Variants in ZFHX4 observed in about 807,000 individuals in gnomAD.
ZFHX4 encodes the protein zinc finger homeobox protein 4.
Under a neutral mutation model 267.6 loss-of-function variants are expected in ZFHX4, and 56 were observed. That is an observed-to-expected ratio of 0.21 (90% CI 0.17 to 0.26). The LOEUF is 0.26. Among genes scored for constraint, ZFHX4 ranks in the 10% least tolerant of loss-of-function variants. ZFHX4 has a pLI of 1.00. For synonymous variants in ZFHX4, 1,778 were observed against 1,665.6 expected (o/e 1.07, Z -1.64); for missense variants, 4,332 against 4,420.0 (o/e 0.98, Z 0.56).
intron 10 of ZFHX4, among the ~76,000 whole-genome samples, chr8:76,861,247 C>T (rs1016682177): frequency 5.9e-5 from 9 of 151,984 alleles, no homozygotes; most frequent in African/African-American, 2.2e-4. Flanking sequence ...TTTCTTTTTG[C>T]ATCTTAAATA....
At chr8:76,809,087 C>A (rs936185367) in intron 4 of ZFHX4, among the ~76,000 whole-genome samples, 2 of 152,174 alleles carry the variant, frequency 1.3e-5, no homozygotes, top group South Asian at 2.1e-4. Flanking sequence ...GGATATCATA[C>A]CCGTATCACT....
intron 3 of ZFHX4, among the ~76,000 whole-genome samples, chr8:76,754,562 C>T (rs1377112178): frequency 6.6e-6 from 1 of 151,776 alleles, no homozygotes; most frequent in Non-Finnish European, 1.5e-5. Flanking sequence ...TTTCCTTTTA[C>T]TTTAGTTTAT....
intron 1 of ZFHX4, among the ~76,000 whole-genome samples, chr8:76,690,804 T>C (rs996950616): frequency 1.3e-5 from 2 of 151,956 alleles, no homozygotes; most frequent in East Asian, 3.9e-4. Context: ...GCATTCCTAG[T>C]GGTAGCTTGT....
chr8:76,833,538 A>T (rs1811993767), intron 5 of ZFHX4, 132 bp downstream of exon 5: 2 of 633,750 alleles, frequency 3.2e-6, no homozygotes, highest in African/African-American at 3.8e-5. Flanking sequence ...TTATTCAAAT[A>T]AGTAAAAAGC....
intron 6 of ZFHX4, among the ~76,000 whole-genome samples, chr8:76,846,317 A>G (rs1403300632): frequency 7.2e-5 from 11 of 152,062 alleles, no homozygotes; most frequent in Non-Finnish European, 1.5e-4. Flanking sequence ...TATCAGTGCC[A>G]TGCATTTTTG....
intron 3 of ZFHX4, among the ~76,000 whole-genome samples, chr8:76,746,141 C>T (rs1809454399): frequency 6.6e-6 from 1 of 152,184 alleles, no homozygotes; most frequent in African/African-American, 2.4e-5. Context: ...AGCGATGGCT[C>T]ATGCCTATAA....
chr8:76,704,106 C>T lies in ZFHX4; in HGVS notation c.18C>T (p.Ser6=). The T allele has an allele frequency of 6.2e-7, 1 of 1,609,844 alleles. No individual in the cohort carries two copies. Among genetic ancestry groups the T allele is most frequent in the East Asian group, 2.2e-5 (1 of 44,836 alleles). METCD[S]PPISRQENGQ... ...CAATTGCCATGGAAACCTGTGACTC[C>T]CCTCCTATCTCAAGGCAGGAAAATG... Residue 6 remains serine, a synonymous_variant, in exon 2 of 11, where the codon TCC becomes TCT. Coordinates refer to ENST00000651372, the MANE Select transcript of ZFHX4 (RefSeq NM_024721.5).
In ZFHX4 at chr8:76,768,931, C is replaced by T. The variant is rs189536484; in HGVS notation, c.3094-9277C>T. ...GAGATGGCAAACAAAACAGAAGCAA[C>T]TACAAAGATAAGAAAGTTGAGCTAG... On this transcript the variant is annotated intron_variant, in intron 3 of 10. Transcript: ENST00000651372. Among the ~76,000 whole-genome samples the T allele has an allele frequency of 3.9e-5, 6 of 152,128 alleles. No individual in the cohort carries two copies. In the East Asian group the frequency reaches 9.7e-4, roughly 25 times the overall value.
intron 1 of ZFHX4, chr8:76,703,482 T>A (rs1170715790): frequency 1.3e-5 from 2 of 152,372 alleles, no homozygotes; most frequent in Non-Finnish European, 2.9e-5. Context: ...TAAGCTGATT[T>A]ACTGGCAAAA....
chr8:76,761,819 G>A (rs892522131), intron 3 of ZFHX4, among the ~76,000 whole-genome samples: 2 of 152,180 alleles, frequency 1.3e-5, no homozygotes, highest in African/African-American at 4.8e-5. Flanking sequence ...CTGGCCTGAT[G>A]TTTAGGGCAA....
chr8:76,835,473 G>A (rs1469695396), intron 5 of ZFHX4, among the ~76,000 whole-genome samples: 1 of 151,366 alleles, frequency 6.6e-6, no homozygotes, highest in African/African-American at 2.4e-5. Context: ...AAAGTCCTTT[G>A]CATTCACAAT....
At chr8:76,731,255 T>C (rs528487393) in intron 3 of ZFHX4, among the ~76,000 whole-genome samples, 241 of 152,258 alleles carry the variant, frequency 1.6e-3, no homozygotes, top group African/African-American at 5.5e-3. Context: ...ATCTAGACAG[T>C]GCTCACAAAG....
intron 3 of ZFHX4, among the ~76,000 whole-genome samples, chr8:76,713,553 T>C (rs1410232668): frequency 2.6e-5 from 4 of 152,188 alleles, no homozygotes; most frequent in Non-Finnish European, 5.9e-5. Context: ...AAAATACTCT[T>C]ATGCTCTTTT....
intron 1 of ZFHX4, 141 bp downstream of exon 1, chr8:76,681,761 C>T: frequency 3.1e-6 from 1 of 319,292 alleles, no homozygotes; most frequent in Non-Finnish European, 5.6e-6. Flanking sequence ...CTCTCTACCC[C>T]TACCTCGCTC....
chr8:76,782,744 A>G (rs1241614135), intron 4 of ZFHX4, among the ~76,000 whole-genome samples: 1 of 152,016 alleles, frequency 6.6e-6, no homozygotes, highest in Non-Finnish European at 1.5e-5. Flanking sequence ...TCTGTTTATG[A>G]AAATAGTTAA....
chr8:76,813,297 C>A (rs903881247), intron 4 of ZFHX4, among the ~76,000 whole-genome samples: 8 of 152,020 alleles, frequency 5.3e-5, no homozygotes, highest in African/African-American at 9.7e-5. Flanking sequence ...CCGGTACAGT[C>A]TCGTAAGAAT....
chr8:76,698,209 T>G (rs893781252), intron 1 of ZFHX4, among the ~76,000 whole-genome samples: 2 of 152,136 alleles, frequency 1.3e-5, no homozygotes, highest in African/African-American at 4.8e-5. Context: ...CTAGATTGGT[T>G]GCAAGTACCA....
chr8:76,822,442 G>A (rs982675781), intron 4 of ZFHX4, among the ~76,000 whole-genome samples: 6 of 141,596 alleles, frequency 4.2e-5, no homozygotes, highest in African/African-American at 1.6e-4. Context: ...ATCTGATCCT[G>A]TGTCTACCTC....
At chr8:76,849,974 A>G in intron 8 of ZFHX4, 1 of 576,568 alleles carries the variant, frequency 1.7e-6, no homozygotes, top group South Asian at 2.2e-5. Context: ...AAATAACCCC[A>G]GTGGGCACCT....
Sources: allele counts gnomAD v4.1 joint callset (sites outside exome capture counted in the v4.1 genomes callset), GRCh38; gene constraint gnomAD v4.1.1; transcripts MANE v1.5; gene names NCBI Gene and HGNC (gene_info 2026-07-23, HGNC 2026-07-21).